GNA12: variants seen among roughly 807,000 people sequenced by gnomAD.
GNA12 encodes guanine nucleotide-binding protein subunit alpha-12.
In GNA12, 9 loss-of-function variants were observed where a neutral mutation model predicts 26.0. The observed-to-expected ratio is 0.35, with a 90% CI of 0.21 to 0.60. GNA12 has a LOEUF of 0.60. Among genes scored for constraint, GNA12 ranks in the 20% least tolerant of loss-of-function variants. The pLI, the probability that GNA12 is intolerant of heterozygous loss-of-function variation, is 0.78. For missense variants in GNA12, 405 were observed against 525.8 expected (o/e 0.77, Z 2.25); for synonymous variants, 264 against 219.6 (o/e 1.20, Z -1.79).
intron 2 of GNA12, chr7:2,763,113 C>A (rs1791647110): frequency 8.0e-7 from 1 of 1,242,386 alleles, no homozygotes; most frequent in South Asian, 3.8e-5. Context: ...CCTCTGAAGT[C>A]ATCTTCCTCT....
At chr7:2,755,355 C>T (rs1022501662) in intron 2 of GNA12, among the ~76,000 whole-genome samples, 5 of 152,258 alleles carry the variant, frequency 3.3e-5, no homozygotes, top group African/African-American at 1.2e-4. Context: ...GGAGAACAGA[C>T]ATCTTGACAG....
Position 2,731,271 on chromosome 7 carries a change from G to C in GNA12, c.1056C>G (p.Thr352=), listed in dbSNP as rs138692914. 7.0e-5 allele frequency: 113 copies of C among 1,613,478 alleles called. No homozygotes were observed. The African/African-American group carries it at 1.4e-3, about 20-fold the overall frequency. ...AGCGGACGTTCTCGGTGTCGATGGC[G>C]GTGGTGAAGTGGTGGAAGAGTGGCT... ...RSKPLFHHFT[T]AIDTENVRFV... is the part of the protein sequence containing the mutation. Residue 352 remains threonine, a synonymous_variant, in exon 4 of 4, where the codon ACC becomes ACG. Coordinates refer to ENST00000275364, the MANE Select transcript of GNA12 (RefSeq NM_007353.3). The surrounding 1 kb of genome is among the most constrained non-coding windows in gnomAD (Gnocchi z 6.0).
intron 2 of GNA12, among the ~76,000 whole-genome samples, chr7:2,743,893 G>C (rs1454840071): frequency 6.6e-6 from 1 of 151,984 alleles, no homozygotes; most frequent in Non-Finnish European, 1.5e-5. Context: ...GGCTCGGAGG[G>C]TCCTACACCC....
At chr7:2,737,585 G>A (rs149000108) in intron 2 of GNA12, among the ~76,000 whole-genome samples, 25 of 152,178 alleles carry the variant, frequency 1.6e-4, no homozygotes, top group Admixed American at 7.2e-4. Context: ...CACAGCGCCC[G>A]GCCCTGTCTT....
chr7:2,739,875 G>A (rs550546648), intron 2 of GNA12, among the ~76,000 whole-genome samples: 2 of 152,120 alleles, frequency 1.3e-5, no homozygotes, highest in Non-Finnish European at 2.9e-5. Flanking sequence ...GTTTCACCGT[G>A]TTGGCCAGGC....
At chr7:2,783,163 C>T (rs894626576) in intron 2 of GNA12, among the ~76,000 whole-genome samples, 27 of 152,164 alleles carry the variant, frequency 1.8e-4, no homozygotes, top group African/African-American at 6.3e-4. Context: ...CTGGCTGTCT[C>T]TGTGATGCCC....
rs763287777 is a variant in GNA12 at position 2,795,060 on chromosome 7, C to G, written c.393G>C (p.Leu131=). Residue 131 remains leucine (L), a synonymous_variant, in exon 2 of 4, where the codon CTG becomes CTC. Coordinates refer to ENST00000275364, the MANE Select transcript of GNA12 (RefSeq NM_007353.3). ...YSENEKHGMF[L]MAFENKAGLP... ...GCCCCGCCTTGTTCTCGAAGGCCAT[C>G]AGGAACATCCCATGCTTCTCATTTT... 3.7e-5 allele frequency: 60 copies of G among 1,613,960 alleles called. No homozygotes were observed. The highest frequency in any genetic ancestry group is 1.7e-4 in the Middle Eastern group (1 of 6,060).
intron 2 of GNA12, among the ~76,000 whole-genome samples, chr7:2,789,924 G>C (rs889822999): frequency 6.6e-6 from 1 of 152,246 alleles, no homozygotes; most frequent in Non-Finnish European, 1.5e-5. Context: ...GCTACCGCCT[G>C]TGTCAGTTTT....
chr7:2,843,910 C>T lies in GNA12; in HGVS notation c.252G>A (p.Glu84=), dbSNP rs1779088426. The change falls in exon 1 of 4, where the codon GAG becomes GAA. Residue 84 remains glutamate, a synonymous_variant. Transcript: ENST00000275364. ...ACTCCAGCAGCGCCTTCTGGTCGAA[C>T]TCGCGGCCGTGGATGATGCGCATCT... ...LKQMRIIHGR[E]FDQKALLEFR... The T allele has an allele frequency of 6.3e-7, 1 of 1,584,940 alleles. No individual in the cohort carries two copies. Among genetic ancestry groups the T allele is most frequent in the South Asian group, 1.1e-5 (1 of 87,056 alleles).
chr7:2,774,640 G>C (rs937456059), intron 2 of GNA12, among the ~76,000 whole-genome samples: 3 of 152,202 alleles, frequency 2.0e-5, no homozygotes, highest in African/African-American at 7.2e-5. Flanking sequence ...GTCAAAAAAA[G>C]TACAAGGTTT....
intron 2 of GNA12, among the ~76,000 whole-genome samples, chr7:2,758,486 T>G (rs1562410700): frequency 1.3e-5 from 2 of 152,164 alleles, no homozygotes; most frequent in Admixed American, 1.3e-4. Flanking sequence ...CTGTGCAATT[T>G]CTTCCCCTGC....
At position 2,740,548 on chromosome 7, in the gene GNA12, C is replaced by G. The variant is rs531493003; in HGVS notation, c.526-7047G>C. Among the ~76,000 whole-genome samples the G allele has an allele frequency of 5.3e-5, 8 of 152,210 alleles. No individual in the cohort carries two copies. The South Asian group carries it at 1.2e-3, about 24-fold the overall frequency. ...AATTAATTTCTGTTGTTTAACCCACCCAGTCAGAGTATTTTGTTATGGCAG... is the reference window on the plus strand; with the variant it reads ...AATTAATTTCTGTTGTTTAACCCACGCAGTCAGAGTATTTTGTTATGGCAG... On this transcript the variant is annotated intron_variant, in intron 2 of 3. Transcript: ENST00000275364.
intron 2 of GNA12, among the ~76,000 whole-genome samples, chr7:2,743,192 G>A (rs79605810): frequency 1.3e-5 from 2 of 152,152 alleles, no homozygotes; most frequent in East Asian, 1.9e-4. Context: ...ATATATGGGG[G>A]CAAACTGAAA....
At chr7:2,839,739 C>T (rs538795597) in intron 1 of GNA12, among the ~76,000 whole-genome samples, 3 of 152,104 alleles carry the variant, frequency 2.0e-5, no homozygotes, top group Admixed American at 6.6e-5. Flanking sequence ...CGGGGCACGG[C>T]GTCTCACATC....
chr7:2,756,404 C>T (rs113467909), intron 2 of GNA12, among the ~76,000 whole-genome samples: 2 of 151,950 alleles, frequency 1.3e-5, no homozygotes, highest in Non-Finnish European at 2.9e-5. Flanking sequence ...TATAATCCTA[C>T]GAGTTCAAGA....
At position 2,753,157 on chromosome 7, in the gene GNA12, T is replaced by TC. The variant is rs574146940; in HGVS notation, c.526-19657_526-19656insG. Among the ~76,000 whole-genome samples, 34 of 151,938 alleles carry TC rather than the reference T, an allele frequency of 2.2e-4. No homozygotes were observed. The South Asian group carries it at 6.9e-3, about 31-fold the overall frequency. ...AGTGAAACCATACAGCATGCGGCTT[T>TC]TTTTTTTTAAAAAAAGAGACAGGGT... On this transcript the variant is annotated intron_variant, in intron 2 of 3. Coordinates refer to ENST00000275364, the MANE Select transcript of GNA12 (RefSeq NM_007353.3).
chr7:2,830,261 T>C (rs1793571962), intron 1 of GNA12, among the ~76,000 whole-genome samples: 1 of 152,124 alleles, frequency 6.6e-6, no homozygotes, highest in Non-Finnish European at 1.5e-5. Flanking sequence ...TTGCCTTGGG[T>C]GCTGTGTTCA....
At chr7:2,795,297 G>T (rs1270200909) in intron 1 of GNA12, among the ~76,000 whole-genome samples, 154 bp from the exon 2 acceptor site, 1 of 152,302 alleles carries the variant, frequency 6.6e-6, no homozygotes, top group Non-Finnish European at 1.5e-5. Flanking sequence ...TGTTTGTTGT[G>T]ATGTGGAAAG....
chr7:2,765,924 G>A (rs1010090852), intron 2 of GNA12, among the ~76,000 whole-genome samples: 8 of 147,610 alleles, frequency 5.4e-5, no homozygotes, highest in African/African-American at 1.3e-4. Context: ...TTACAGGCGC[G>A]AGCCACTGCG....
Sources: gnomAD v4.1 joint callset for allele counts (sites outside exome capture counted in the v4.1 genomes callset) on GRCh38, gnomAD v4.1.1 for gene constraint, Gnocchi (gnomAD v3.1) non-coding constraint, MANE v1.5 for transcripts, NCBI Gene and HGNC (gene_info 2026-07-23, HGNC 2026-07-21) for gene names.